Variants in SPSB4 observed in about 807,000 individuals in gnomAD.
SPSB4 encodes the protein SPRY domain-containing SOCS box protein 4.
In SPSB4, 21 loss-of-function variants were observed where a neutral mutation model predicts 20.9. The ratio of observed to expected loss-of-function variants is 1.01; its 90% CI spans 0.71 to 1.45. The LOEUF (loss-of-function observed/expected upper bound fraction) is 1.45. Among genes scored for constraint, SPSB4 ranks in the 40% most tolerant of loss-of-function variants. The pLI is 0.00. For missense variants in SPSB4, 399 were observed against 399.2 expected (o/e 1.00, Z 0.00); for synonymous variants, 207 against 183.8 (o/e 1.13, Z -1.02).
At chr3:141,146,548 G>C (rs1310387410) in intron 2 of SPSB4, among the ~76,000 whole-genome samples, 2 of 152,164 alleles carry the variant, frequency 1.3e-5, no homozygotes, top group African/African-American at 4.8e-5. Context: ...AGGCCGAGAA[G>C]GGCGATCACG....
intron 2 of SPSB4, among the ~76,000 whole-genome samples, chr3:141,087,332 G>A (rs545970113): frequency 3.2e-4 from 48 of 152,290 alleles, no homozygotes; most frequent in African/African-American, 1.0e-3. Context: ...CAGTCTGACG[G>A]AGCATGATGA....
intron 2 of SPSB4, among the ~76,000 whole-genome samples, chr3:141,082,423 G>A (rs916644886): frequency 2.1e-5 from 3 of 140,400 alleles, no homozygotes; most frequent in Non-Finnish European, 4.4e-5. Context: ...TCTAGCCCTG[G>A]GTGGGTTCAT....
intron 2 of SPSB4, among the ~76,000 whole-genome samples, chr3:141,083,057 A>G (rs1938270232): frequency 6.6e-6 from 1 of 150,706 alleles, no homozygotes; most frequent in African/African-American, 2.5e-5. Context: ...AGGCTTTCTA[A>G]GTATCTGAAA....
intron 1 of SPSB4, among the ~76,000 whole-genome samples, chr3:141,058,230 CT>C (rs2107775121): frequency 6.6e-6 from 1 of 152,184 alleles, no homozygotes; most frequent in African/African-American, 2.4e-5. Flanking sequence ...ATTTTTCAAA[CT>C]AATGAGGTTC....
At chr3:141,144,709 A>G (rs1939384790) in intron 2 of SPSB4, among the ~76,000 whole-genome samples, 1 of 152,214 alleles carries the variant, frequency 6.6e-6, no homozygotes, top group African/African-American at 2.4e-5. Context: ...TTTAGAATCT[A>G]GATTGATTTC....
intron 2 of SPSB4, among the ~76,000 whole-genome samples, chr3:141,074,184 T>C (rs1004536117): frequency 2.6e-5 from 4 of 152,154 alleles, no homozygotes; most frequent in African/African-American, 9.7e-5. Flanking sequence ...AGTCCTGACT[T>C]GGTTTCTAAT....
chr3:141,137,815 A>T (rs1233715314), intron 2 of SPSB4, among the ~76,000 whole-genome samples: 1 of 152,048 alleles, frequency 6.6e-6, no homozygotes, highest in East Asian at 1.9e-4. Flanking sequence ...TGTGTCTCTG[A>T]CAGGCTTTGG....
intron 2 of SPSB4, among the ~76,000 whole-genome samples, chr3:141,082,441 G>T (rs753571478): frequency 3.0e-4 from 46 of 151,776 alleles, no homozygotes; most frequent in South Asian, 6.2e-4. Flanking sequence ...CATTGCTTAG[G>T]TCTGGCTTTG....
chr3:141,069,772 G>C (rs1311352212), intron 2 of SPSB4, among the ~76,000 whole-genome samples: 2 of 152,198 alleles, frequency 1.3e-5, no homozygotes, highest in African/African-American at 2.4e-5. Flanking sequence ...TGGTGCCCCT[G>C]TGTTGATTAA....
chr3:141,142,116 C>G (rs1425089810), intron 2 of SPSB4, among the ~76,000 whole-genome samples: 1 of 152,062 alleles, frequency 6.6e-6, no homozygotes, highest in African/African-American at 2.4e-5. Context: ...TTCTCTAGTT[C>G]CTTGAGGTAT....
chr3:141,053,929 C>T (rs1477297462), intron 1 of SPSB4, among the ~76,000 whole-genome samples: 1 of 152,180 alleles, frequency 6.6e-6, no homozygotes. Flanking sequence ...TCCTCTCCCC[C>T]ACTACCCACC....
At chr3:141,053,328 C>T (rs1936128686) in intron 1 of SPSB4, among the ~76,000 whole-genome samples, 1 of 151,926 alleles carries the variant, frequency 6.6e-6, no homozygotes, top group Non-Finnish European at 1.5e-5. Context: ...GACACATACC[C>T]TCTAATTTAT....
chr3:141,091,993 A>T (rs1267928620), intron 2 of SPSB4, among the ~76,000 whole-genome samples: 2 of 152,198 alleles, frequency 1.3e-5, no homozygotes, highest in African/African-American at 4.8e-5. Context: ...TGCTTTTCTC[A>T]GTAGTCAGTG....
At chr3:141,084,549 G>A (rs567284122) in intron 2 of SPSB4, among the ~76,000 whole-genome samples, 2 of 152,312 alleles carry the variant, frequency 1.3e-5, no homozygotes, top group African/African-American at 2.4e-5. Flanking sequence ...CAAACACTTG[G>A]TGATCCCAGC....
At chr3:141,116,013 A>C in intron 2 of SPSB4, among the ~76,000 whole-genome samples, 1 of 152,260 alleles carries the variant, frequency 6.6e-6, no homozygotes, top group East Asian at 1.9e-4. Flanking sequence ...AAACACAATA[A>C]ATCCATTAGA....
chr3:141,116,081 CG>C (rs1436584578), intron 2 of SPSB4, among the ~76,000 whole-genome samples: 1 of 152,192 alleles, frequency 6.6e-6, no homozygotes, highest in Non-Finnish European at 1.5e-5. Flanking sequence ...TAAGAGATGA[CG>C]TTTCCCAAGT....
At chr3:141,095,121 C>T (rs535120314) in intron 2 of SPSB4, among the ~76,000 whole-genome samples, 8 of 152,134 alleles carry the variant, frequency 5.3e-5, no homozygotes, top group East Asian at 3.9e-4. Context: ...GGGAAGAGGC[C>T]GAGGCAGGCC....
chr3:141,125,541 A>G (rs556252929), intron 2 of SPSB4, among the ~76,000 whole-genome samples: 1 of 152,348 alleles, frequency 6.6e-6, no homozygotes, highest in South Asian at 2.1e-4. Flanking sequence ...ATTAGTATGA[A>G]TTGAAGTCAA....
chr3:141,131,931 A>C (rs1939137930), intron 2 of SPSB4, among the ~76,000 whole-genome samples: 1 of 152,198 alleles, frequency 6.6e-6, no homozygotes, highest in Non-Finnish European at 1.5e-5. Flanking sequence ...CATTGTGAGC[A>C]TTCTGGTTGC....
Sources: allele counts gnomAD v4.1 joint callset (sites outside exome capture counted in the v4.1 genomes callset), GRCh38; gene constraint gnomAD v4.1.1; transcripts MANE v1.5; gene names NCBI Gene and HGNC (gene_info 2026-07-23, HGNC 2026-07-21).